The following LIPH variants were observed in gnomAD, a reference collection of about 807,000 sequenced individuals.
LIPH encodes the protein lipase member H.
A neutral mutation model predicts 47.6 loss-of-function variants in LIPH; 32 were observed. That is an observed-to-expected ratio of 0.67 (90% CI 0.51 to 0.90). The LOEUF is 0.90. Ranked by LOEUF, LIPH falls within the 40% of genes least tolerant of loss-of-function variation. The pLI is 0.00. For synonymous variants in LIPH, 190 were observed against 195.6 expected, an observed-to-expected ratio of 0.97 and a Z score of 0.24; for missense variants, 497 against 541.4, an observed-to-expected ratio of 0.92 and a Z score of 0.81.
chr3:185,539,463 C>G (rs1289902949), intron 1 of LIPH, among the ~76,000 whole-genome samples: 2 of 149,358 alleles, frequency 1.3e-5, no homozygotes, highest in East Asian at 2.0e-4. Flanking sequence ...TCGGCCCCCC[C>G]GGGTTCAAGC....
chr3:185,547,163 C>G (rs1720902019), intron 1 of LIPH, among the ~76,000 whole-genome samples: 1 of 151,766 alleles, frequency 6.6e-6, no homozygotes, highest in Non-Finnish European at 1.5e-5. Context: ...GAAGGTATCT[C>G]AGACCCATCT....
Position 185,507,850 on chromosome 3 carries a change from A to G in LIPH, c.*940T>C, listed in dbSNP as rs141497229. 108 of 152,296 alleles carry G rather than the reference A, an allele frequency of 7.1e-4. No individual in the cohort carries two copies. Among genetic ancestry groups the G allele is most frequent in the African/African-American group, 2.5e-3 (102 of 41,548 alleles). The allele number at this position is 152,296 out of a possible 1,614,324, so 9.4% of individuals were successfully genotyped here. On this transcript the variant is annotated 3_prime_UTR_variant, in exon 10 of 10. Transcript: ENST00000296252. ...ATTTCCTTCAATAATCATAGATTAC[A>G]TTGGTAATAAAGAAACATAAACATT...
chr3:185,524,488 C>A (rs1181230786), intron 4 of LIPH, among the ~76,000 whole-genome samples: 1 of 144,646 alleles, frequency 6.9e-6, no homozygotes. Flanking sequence ...CTTGCTCTGT[C>A]GTCCAGGCTG....
At chr3:185,529,322 A>G in intron 3 of LIPH, among the ~76,000 whole-genome samples, 1 of 150,448 alleles carries the variant, frequency 6.6e-6, no homozygotes, top group East Asian at 2.0e-4. Flanking sequence ...GTTTTTGTCT[A>G]TGAATGTCAT....
intron 9 of LIPH, among the ~76,000 whole-genome samples, chr3:185,510,701 G>A (rs906357351): frequency 1.3e-5 from 2 of 152,074 alleles, no homozygotes; most frequent in Non-Finnish European, 2.9e-5. Flanking sequence ...CCAACATGGC[G>A]AAACTAAAAA....
intron 3 of LIPH, among the ~76,000 whole-genome samples, chr3:185,529,185 A>G (rs1253026250): frequency 6.8e-6 from 1 of 147,576 alleles, no homozygotes; most frequent in Non-Finnish European, 1.5e-5. Flanking sequence ...TCAAAAAAAA[A>G]AAAAAAAGAA....
intron 3 of LIPH, among the ~76,000 whole-genome samples, chr3:185,527,854 C>T (rs2148955041): frequency 6.7e-6 from 1 of 150,118 alleles, no homozygotes; most frequent in East Asian, 2.0e-4. Flanking sequence ...CAGTAGGGAA[C>T]GTACACGTGT....
At chr3:185,524,190 T>C in intron 4 of LIPH, 30 bp from the exon 5 acceptor site, 1 of 1,337,234 alleles carries the variant, frequency 7.5e-7, no homozygotes, top group Non-Finnish European at 1.1e-6. Flanking sequence ...GCTTTTATAC[T>C]CCTTTGAATT....
At chr3:185,524,427 T>C (rs1187893048) in intron 4 of LIPH, among the ~76,000 whole-genome samples, 1 of 151,744 alleles carries the variant, frequency 6.6e-6, no homozygotes, top group Non-Finnish European at 1.5e-5. Context: ...ACTGCAAGGC[T>C]AATAAAATGA....
At chr3:185,516,261 C>T (rs570629559) in intron 7 of LIPH, among the ~76,000 whole-genome samples, 1 of 152,070 alleles carries the variant, frequency 6.6e-6, no homozygotes, top group East Asian at 1.9e-4. Context: ...GGCAAAACCC[C>T]GTCTCTACTA....
chr3:185,552,298 T>C, intron 1 of LIPH, 125 bp downstream of exon 1: 1 of 674,932 alleles, frequency 1.5e-6, no homozygotes, highest in South Asian at 1.8e-5. Flanking sequence ...CCTATATCTT[T>C]TTCCTTAAAA....
chr3:185,527,631 C>A (rs1697478308), intron 3 of LIPH, 46 bp from the exon 4 acceptor site: 2 of 1,247,298 alleles, frequency 1.6e-6, no homozygotes, highest in Non-Finnish European at 2.4e-6. Flanking sequence ...CCATGAGTCA[C>A]CTGCAGCCGG....
intron 9 of LIPH, among the ~76,000 whole-genome samples, chr3:185,509,788 ATT>A (rs1219833452): frequency 6.6e-6 from 1 of 152,090 alleles, no homozygotes; most frequent in Non-Finnish European, 1.5e-5. Flanking sequence ...TTTCCTGACA[ATT>A]TCTGTACTTT....
intron 9 of LIPH, among the ~76,000 whole-genome samples, chr3:185,510,882 A>G (rs909228496): frequency 6.6e-6 from 1 of 152,138 alleles, no homozygotes; most frequent in Non-Finnish European, 1.5e-5. Context: ...TTTCTTTTCT[A>G]CAACAAATTA....
intron 1 of LIPH, among the ~76,000 whole-genome samples, chr3:185,538,047 T>C (rs1720554975): frequency 6.6e-6 from 1 of 152,182 alleles, no homozygotes; most frequent in Non-Finnish European, 1.5e-5. Context: ...GCTCAAGTGA[T>C]CCACTTGCCT....
At chr3:185,544,860 C>T (rs535846916) in intron 1 of LIPH, among the ~76,000 whole-genome samples, 1 of 152,174 alleles carries the variant, frequency 6.6e-6, no homozygotes, top group African/African-American at 2.4e-5. Flanking sequence ...TATCAACCTG[C>T]TAGCATGTTC....
At chr3:185,529,920 A>AAGAAAGAAAGAAAGAGAGAAAGAG (rs1560165072) in intron 3 of LIPH, among the ~76,000 whole-genome samples, 20 of 42,566 alleles carry the variant, frequency 4.7e-4, no homozygotes, top group African/African-American at 1.2e-3. Context: ...GAAAGAAAGA[A>AAGAAAGAAAGAAAGAGAGAAAGAG]AGAAAGAAAG....
chr3:185,545,544 C>G (rs982771517), intron 1 of LIPH, among the ~76,000 whole-genome samples: 1 of 152,188 alleles, frequency 6.6e-6, no homozygotes, highest in Admixed American at 6.6e-5. Flanking sequence ...AATATTTACT[C>G]TCTGGCTCTT....
At position 185,511,837 on chromosome 3, in the gene LIPH, T is replaced by G. The variant is rs890440277; in HGVS notation, c.1095-140A>C. ...CAGCTGACTTTTTTTTTTTTTTTTT[T>G]TCTGAGACAGGGTTCACACTGTTGC... On this transcript the variant is annotated intron_variant, in intron 8 of 9. Transcript: ENST00000296252. 1.4e-5 allele frequency: 9 copies of G among 662,728 alleles called. No homozygotes were observed. The Admixed American group carries it at 1.5e-4, about 11-fold the overall frequency. 41.1% of individuals were successfully genotyped at this position (662,728 alleles called of 1,614,324 possible). A position where few individuals can be genotyped will look rare whatever the true frequency, so the allele number is the denominator to read the frequency against.
Sources: gnomAD v4.1 joint callset for allele counts (sites outside exome capture counted in the v4.1 genomes callset) on GRCh38, gnomAD v4.1.1 for gene constraint, MANE v1.5 for transcripts, NCBI Gene and HGNC (gene_info 2026-07-23, HGNC 2026-07-21) for gene names.